DLG1: variants seen among roughly 807,000 people sequenced by gnomAD.
DLG1 encodes the protein disks large homolog 1.
In DLG1, 42 loss-of-function variants were observed where a neutral mutation model predicts 123.4. That is an observed-to-expected ratio of 0.34 (90% CI 0.27 to 0.44). The LOEUF (loss-of-function observed/expected upper bound fraction) is 0.44. DLG1 is among the 20% of genes least tolerant of loss of function. The probability of loss-of-function intolerance (pLI) is 1.00; values close to 1 mark genes in which losing one functional copy is unlikely to be tolerated. For synonymous variants in DLG1, 317 were observed against 356.2 expected (o/e 0.89, Z 1.24); for missense variants, 942 against 1,082.6 (o/e 0.87, Z 1.82).
At chr3:197,180,074 G>GA (rs1809352068) in intron 5 of DLG1, among the ~76,000 whole-genome samples, 1 of 135,224 alleles carries the variant, frequency 7.4e-6, no homozygotes, top group African/African-American at 2.7e-5. Flanking sequence ...TTTTGGGGGG[G>GA]GGGGGGCTTT....
intron 4 of DLG1, among the ~76,000 whole-genome samples, chr3:197,244,487 A>G (rs1231745982): frequency 2.6e-5 from 4 of 151,936 alleles, no homozygotes; most frequent in Admixed American, 6.6e-5. Flanking sequence ...TTTGTTTTAG[A>G]TCTTTTACCT....
At chr3:197,264,382 A>G (rs1330909692) in intron 4 of DLG1, among the ~76,000 whole-genome samples, 3 of 152,204 alleles carry the variant, frequency 2.0e-5, no homozygotes, top group Admixed American at 2.0e-4. Flanking sequence ...AAGTGCCAGC[A>G]TAACACTCAA....
chr3:197,115,842 T>A lies in DLG1; in HGVS notation c.1443+85A>T, dbSNP rs940592952. On this transcript the variant is annotated intron_variant, in intron 13 of 24. Transcript: ENST00000667157. ...GATAACCAAGATATCCCCATTACTT[T>A]AGGATATAAAAAAACAGAAGACCTT... The A allele has an allele frequency of 3.8e-6, 5 of 1,317,480 alleles. No individual in the cohort carries two copies. In the Admixed American group the frequency reaches 6.3e-5, roughly 17 times the overall value. The allele number at this position is 1,317,480 out of a possible 1,614,324, so 81.6% of individuals were successfully genotyped here. A position where few individuals can be genotyped will look rare whatever the true frequency, so the allele number is the denominator to read the frequency against.
At position 197,052,070 on chromosome 3, in the gene DLG1, A is replaced by C. The variant is rs576740113; in HGVS notation, c.2484-402T>G. On this transcript the variant is annotated intron_variant, in intron 23 of 24. Transcript: ENST00000667157. The stretch of plus-strand genomic sequence containing the variant: ...TGGGCAGGCTGGTCCCGAACTCCTG[A>C]CCCCAGGTAATCTGCTCGCCTTGGC... Among the ~76,000 whole-genome samples, 1,499 of 152,006 alleles carry C rather than the reference A, an allele frequency of 9.9e-3. 21 individuals carry two copies. The highest frequency in any genetic ancestry group is 0.034 in the African/African-American group (1,397 of 41,502).
At chr3:197,133,750 C>T (rs181607301) in intron 10 of DLG1, among the ~76,000 whole-genome samples, 2 of 152,112 alleles carry the variant, frequency 1.3e-5, no homozygotes, top group East Asian at 1.9e-4. Flanking sequence ...TGAGGAGGCA[C>T]CAGACATCAG....
chr3:197,191,009 C>CAAACA (rs537538638), intron 5 of DLG1, among the ~76,000 whole-genome samples: 4,948 of 152,174 alleles, frequency 0.033, 126 homozygotes, highest in Non-Finnish European at 0.047. Flanking sequence ...GACTTCAACT[C>CAAACA]AAACAAAACA....
Position 197,101,100 on chromosome 3 carries a change from GT to G in DLG1, c.1546+3802del, listed in dbSNP as rs530206520. On this transcript the variant is annotated intron_variant, in intron 14 of 24. Transcript: ENST00000667157. The stretch of plus-strand genomic sequence containing the variant: ...AGAAACTTTTTTTCCATGTTAATCT[GT>G]TTTTTTTGTCAGTTTACTTCACAGG... Among the ~76,000 whole-genome samples the G allele has an allele frequency of 1.0e-3, 151 of 151,682 alleles. 2 individuals carry two copies. The highest frequency in any genetic ancestry group is 3.3e-3 in the African/African-American group (136 of 41,342).
intron 14 of DLG1, among the ~76,000 whole-genome samples, chr3:197,104,444 G>A (rs1334044548): frequency 6.6e-6 from 1 of 152,162 alleles, no homozygotes; most frequent in African/African-American, 2.4e-5. Context: ...CACTTTGGGA[G>A]GCTGAGGTGG....
intron 13 of DLG1, among the ~76,000 whole-genome samples, chr3:197,114,840 C>T (rs900406285): frequency 6.6e-6 from 1 of 151,790 alleles, no homozygotes; most frequent in African/African-American, 2.4e-5. Context: ...ATTAGCCAGG[C>T]GTGGTGGCGG....
At chr3:197,066,480 T>C (rs1047381595) in intron 20 of DLG1, among the ~76,000 whole-genome samples, 16 of 152,154 alleles carry the variant, frequency 1.1e-4, no homozygotes, top group African/African-American at 3.9e-4. Flanking sequence ...ACAAAGTTGC[T>C]TGGGAAATAA....
chr3:197,122,212 CAAAAT>C (rs1476519780), intron 11 of DLG1, among the ~76,000 whole-genome samples: 1 of 151,632 alleles, frequency 6.6e-6, no homozygotes, highest in Non-Finnish European at 1.5e-5. Flanking sequence ...ATCACGTTAA[CAAAAT>C]AAAAGAGAAA....
chr3:197,073,331 A>G (rs1370682686), intron 18 of DLG1, among the ~76,000 whole-genome samples: 1 of 152,230 alleles, frequency 6.6e-6, no homozygotes, highest in African/African-American at 2.4e-5. Flanking sequence ...TGGAAAGCCT[A>G]CATGTAATAA....
intron 4 of DLG1, among the ~76,000 whole-genome samples, chr3:197,272,151 A>G (rs1764169321): frequency 6.6e-6 from 1 of 152,180 alleles, no homozygotes; most frequent in Admixed American, 6.5e-5. Context: ...TTCCAAGGTA[A>G]GATGCCAAAT....
At chr3:197,120,827 CATAT>C (rs1374519860) in intron 11 of DLG1, among the ~76,000 whole-genome samples, 1 of 152,172 alleles carries the variant, frequency 6.6e-6, no homozygotes, top group Non-Finnish European at 1.5e-5. Flanking sequence ...CTATCCAGTT[CATAT>C]ATAAGATGCT....
chr3:197,235,077 A>G (rs189466205), intron 4 of DLG1, among the ~76,000 whole-genome samples: 2 of 152,290 alleles, frequency 1.3e-5, no homozygotes, highest in East Asian at 3.9e-4. Flanking sequence ...ATGCCACAAC[A>G]GTTTTCAGCA....
intron 23 of DLG1, among the ~76,000 whole-genome samples, chr3:197,054,151 T>C (rs1362472048): frequency 6.6e-6 from 1 of 152,096 alleles, no homozygotes; most frequent in East Asian, 1.9e-4. Context: ...ATCCCTTGTG[T>C]GTGGTAAGTT....
chr3:197,151,265 A>C (rs1049001273), intron 5 of DLG1, among the ~76,000 whole-genome samples: 15 of 152,228 alleles, frequency 9.9e-5, no homozygotes, highest in Non-Finnish European at 2.1e-4. Flanking sequence ...TACATTTTAA[A>C]AACACTATGG....
intron 4 of DLG1, among the ~76,000 whole-genome samples, chr3:197,278,201 T>C (rs1318142678): frequency 7.3e-6 from 1 of 137,502 alleles, no homozygotes; most frequent in African/African-American, 2.8e-5. Context: ...AAGAATCACC[T>C]GAACCTGGGA....
intron 24 of DLG1, among the ~76,000 whole-genome samples, chr3:197,049,010 G>C (rs369182654): frequency 2.0e-5 from 3 of 151,994 alleles, no homozygotes; most frequent in Non-Finnish European, 2.9e-5. Context: ...CCCACTACTC[G>C]ATATATATAC....
Sources: gnomAD v4.1 joint callset for allele counts (sites outside exome capture counted in the v4.1 genomes callset) on GRCh38, gnomAD v4.1.1 for gene constraint, MANE v1.5 for transcripts, NCBI Gene and HGNC (gene_info 2026-07-23, HGNC 2026-07-21) for gene names.